MGAM2: variants seen among roughly 807,000 people sequenced by gnomAD.
MGAM2 encodes probable maltase-glucoamylase 2.
A neutral mutation model predicts 96.1 loss-of-function variants in MGAM2; 98 were observed. That is an observed-to-expected ratio of 1.02 (90% confidence interval 0.87 to 1.21). The LOEUF (loss-of-function observed/expected upper bound fraction) is 1.21. Among genes scored for constraint, MGAM2 ranks in the 50% most tolerant of loss-of-function variants. The pLI is 0.00. For synonymous variants in MGAM2, 749 were observed against 414.8 expected, an observed-to-expected ratio of 1.81 and a Z score of -9.79; for missense variants, 2,055 against 1,182.4, an observed-to-expected ratio of 1.74 and a Z score of -10.82.
intron 37 of MGAM2, among the ~76,000 whole-genome samples, chr7:142,191,448 TTTTAAG>T (rs1429405388): frequency 5.9e-5 from 9 of 152,326 alleles, no homozygotes; most frequent in African/African-American, 2.2e-4. Context: ...CTGTCATCCA[TTTTAAG>T]TTTATTTTTG....
At chr7:142,205,495 A>G (rs1375711765) in intron 45 of MGAM2, among the ~76,000 whole-genome samples, 1 of 151,798 alleles carries the variant, frequency 6.6e-6, no homozygotes, top group Non-Finnish European at 1.5e-5. Flanking sequence ...TTTAATTATG[A>G]TCATTCCAGT....
intron 1 of MGAM2, among the ~76,000 whole-genome samples, chr7:142,113,861 G>A (rs1048376489): frequency 6.6e-6 from 1 of 152,160 alleles, no homozygotes; most frequent in African/African-American, 2.4e-5. Context: ...GCTGAGCGTG[G>A]TGCCTCACGC....
At position 142,167,402 on chromosome 7, in the gene MGAM2, T is replaced by C. The variant is rs1029796964; in HGVS notation, c.2943T>C (p.Ala981=). The C allele has an allele frequency of 1.1e-5, 8 of 702,890 alleles. No homozygotes were observed. Among genetic ancestry groups the C allele is most frequent in the Non-Finnish European group, 1.8e-5 (7 of 384,998 alleles). The allele number at this position is 702,890 out of a possible 1,614,324, so 43.5% of individuals were successfully genotyped here. The change falls in exon 26 of 48, where the codon GCT becomes GCC. Residue 981 remains alanine (A), a synonymous_variant. Transcript: ENST00000477922. ...SLPMAPESAA[A]AASDSLSAKI... ...CGATGGCCCCTGAGTCAGCTGCTGC[T>C]GCCGCCTCTGATTCTCTCTCTGCAA...
At chr7:142,182,507 T>C (rs1393960491) in intron 32 of MGAM2, among the ~76,000 whole-genome samples, 2 of 152,206 alleles carry the variant, frequency 1.3e-5, no homozygotes, top group East Asian at 3.9e-4. Flanking sequence ...TGGGTCCTCA[T>C]GGTCGTGTTT....
rs953812241 is a variant in MGAM2 at position 142,132,405 on chromosome 7, TATA to T, written c.575+330_575+332del. Among the ~76,000 whole-genome samples the T allele has an allele frequency of 3.8e-3, 538 of 141,860 alleles. 4 individuals are homozygous for T. The highest frequency in any genetic ancestry group is 0.011 in the African/African-American group (412 of 38,860). 93.1% of individuals were successfully genotyped at this position (141,860 alleles called of 152,430 possible). On this transcript the variant is annotated intron_variant, in intron 6 of 47. Transcript: ENST00000477922. ...ATTTATATAATATATAATTATATAA[TATA>T]ATAATAATATATTATTACTATTAAT...
rs1024618856 is a variant in MGAM2, at chr7:142,219,858, C to A, written c.5359-12C>A. On this transcript the variant is annotated splice_polypyrimidine_tract_variant and intron_variant, in intron 47 of 47. Coordinates refer to ENST00000477922, the MANE Select transcript of MGAM2 (RefSeq NM_001293626.2). ...TCTAAAATACCCATTTATATCTCTT[C>A]TTTTCTGGCAGATACTAACTATTCA... 8.7e-6 allele frequency: 6 copies of A among 685,756 alleles called. No individual in the cohort carries two copies. Among genetic ancestry groups the A allele is most frequent in the Non-Finnish European group, 1.6e-5 (6 of 376,100 alleles). The allele number at this position is 685,756 out of a possible 1,614,324, so 42.5% of individuals were successfully genotyped here.
At chr7:142,208,526 T>C (rs987559558) in intron 45 of MGAM2, 47 bp from the exon 46 acceptor site, 3 of 698,778 alleles carry the variant, frequency 4.3e-6, no homozygotes, top group Admixed American at 4.1e-5. Flanking sequence ...TTTGCTGCAA[T>C]TGAAGCAGTT....
intron 24 of MGAM2, 36 bp from the exon 25 acceptor site, chr7:142,166,062 C>A: frequency 1.5e-6 from 1 of 647,312 alleles, no homozygotes; most frequent in South Asian, 1.8e-5. Flanking sequence ...GGCTTTCCCT[C>A]CCTTCCTTTG....
intron 37 of MGAM2, among the ~76,000 whole-genome samples, chr7:142,192,724 A>G (rs1162717114): frequency 4.6e-5 from 7 of 152,168 alleles, no homozygotes; most frequent in Admixed American, 3.9e-4. Flanking sequence ...CTTTTCACAC[A>G]TCTGCATCCC....
intron 46 of MGAM2, among the ~76,000 whole-genome samples, chr7:142,215,122 T>TA (rs1338941932): frequency 2.0e-5 from 3 of 152,046 alleles, no homozygotes; most frequent in Non-Finnish European, 4.4e-5. Context: ...TATGCAGCCA[T>TA]AAAAAAGAAT....
rs1795878087 is a variant in MGAM2, at chr7:142,161,183, G to A, written c.2404G>A (p.Glu802Lys). 4.3e-6 allele frequency: 3 copies of A among 702,602 alleles called. No individual in the cohort carries two copies. Among genetic ancestry groups the A allele is most frequent in the Non-Finnish European group, 7.8e-6 (3 of 384,810 alleles). 43.5% of individuals were successfully genotyped at this position (702,602 alleles called of 1,614,324 possible). The change falls in exon 22 of 48, where the codon GAG becomes AAG. Residue 802 changes from glutamate to lysine, a missense_variant. Coordinates refer to ENST00000477922, the MANE Select transcript of MGAM2 (RefSeq NM_001293626.2). The part of the protein sequence containing the change: ...ALDYKREAKG[E>K]LYWDDGVSKD... ...GGACTATAAGAGAGAAGCAAAGGGG[G>A]AGCTGTACTGGGATGACGGTGTATC...
At chr7:142,172,012 T>C (rs1796210862) in intron 28 of MGAM2, 86 bp from the exon 29 acceptor site, 3 of 537,902 alleles carry the variant, frequency 5.6e-6, no homozygotes, top group Non-Finnish European at 3.5e-6. Flanking sequence ...GAATCTTTAA[T>C]GATGAGTAAG....
intron 30 of MGAM2, 69 bp downstream of exon 30, chr7:142,172,833 GAGAT>G (rs886854713): frequency 1.6e-6 from 1 of 610,084 alleles, no homozygotes; most frequent in African/African-American, 1.8e-5. Context: ...TATTAGCACT[GAGAT>G]AGGGCAGTTT....
intron 36 of MGAM2, 50 bp downstream of exon 36, chr7:142,187,884 A>G: frequency 1.5e-6 from 1 of 687,122 alleles, no homozygotes; most frequent in Non-Finnish European, 2.7e-6. Context: ...CAAAGACTCC[A>G]AAAGTTTTCC....
chr7:142,213,421 G>A (rs1427543685), intron 46 of MGAM2, among the ~76,000 whole-genome samples: 9 of 152,142 alleles, frequency 5.9e-5, no homozygotes, highest in East Asian at 5.8e-4. Context: ...TAGTTAGACC[G>A]CTAGCCAGAC....
intron 47 of MGAM2, 95 bp from the exon 48 acceptor site, chr7:142,219,775 C>T: frequency 4.9e-6 from 3 of 610,410 alleles, no homozygotes; most frequent in Non-Finnish European, 8.7e-6. Context: ...GGAATGAATC[C>T]ATCATTTTTT....
At chr7:142,125,664 A>G (rs1014663466) in intron 3 of MGAM2, among the ~76,000 whole-genome samples, 3 of 152,182 alleles carry the variant, frequency 2.0e-5, no homozygotes, top group Non-Finnish European at 2.9e-5. Context: ...GTTATAATAT[A>G]ATTACTTTGT....
At chr7:142,171,091 A>G in intron 27 of MGAM2, 181 bp from the exon 28 acceptor site, 1 of 641,876 alleles carries the variant, frequency 1.6e-6, no homozygotes, top group Non-Finnish European at 2.9e-6. Context: ...GAAATCTAAC[A>G]TGGAACTTTG....
In MGAM2 at chr7:142,122,448, A is replaced by G. The variant is rs540080931; in HGVS notation, c.186+2067A>G. Among the ~76,000 whole-genome samples the G allele has an allele frequency of 2.0e-5, 3 of 152,332 alleles. No homozygotes were observed. In the East Asian group the frequency reaches 5.8e-4, roughly 29 times the overall value. ...AAATGACTACACATGTGTAAGCCAA[A>G]CCATTCTATACCCAAAGATACAGAA... On this transcript the variant is annotated intron_variant, in intron 3 of 47. Transcript: ENST00000477922.
Sources: gnomAD v4.1 joint callset for allele counts (sites outside exome capture counted in the v4.1 genomes callset) on GRCh38, gnomAD v4.1.1 for gene constraint, MANE v1.5 for transcripts, NCBI Gene and HGNC (gene_info 2026-07-23, HGNC 2026-07-21) for gene names.